APBB2: variants seen among roughly 807,000 people sequenced by gnomAD.
APBB2 encodes the protein amyloid beta precursor protein binding family B member 2.
A neutral mutation model predicts 82.5 loss-of-function variants in APBB2; 38 were observed. The observed-to-expected ratio is 0.46, with a 90% CI of 0.36 to 0.60. The LOEUF is 0.60. APBB2 is among the 20% of genes least tolerant of loss of function. The pLI is 0.00. For synonymous variants in APBB2, 341 were observed against 368.2 expected (o/e 0.93, Z 0.85); for missense variants, 772 against 972.3 (o/e 0.79, Z 2.74).
rs1342046591 is a variant in APBB2, at chr4:40,830,507, G to C, written c.1600C>G (p.Pro534Ala). ...LKCHVFRCDT[P>A]AKAIATSLHE... ...AGACTTGTGGCAATGGCTTTTGCTG[G>C]TGTGTCACATCGAAATACATGACAT... Residue 534 changes from proline (P) to alanine (A), a missense_variant, in exon 13 of 18, where the codon CCA becomes GCA. Coordinates refer to ENST00000508593, the MANE Select transcript of APBB2 (RefSeq NM_004307.2). 1.9e-6 allele frequency: 3 copies of C among 1,613,976 alleles called. No individual in the cohort carries two copies. The highest frequency in any genetic ancestry group is 1.1e-5 in the South Asian group (1 of 91,080).
intron 12 of APBB2, chr4:40,880,666 A>G (rs933022889): frequency 5.1e-6 from 5 of 985,476 alleles, no homozygotes; most frequent in Non-Finnish European, 6.0e-6. Flanking sequence ...AGAATCAAAC[A>G]TGATAGATCT....
intron 3 of APBB2, among the ~76,000 whole-genome samples, chr4:41,099,870 T>G (rs1233914420): frequency 6.6e-6 from 1 of 152,198 alleles, no homozygotes; most frequent in Non-Finnish European, 1.5e-5. Context: ...TATGTTTCTG[T>G]GCGTGCACGT....
intron 1 of APBB2, among the ~76,000 whole-genome samples, chr4:41,203,151 C>T (rs985105494): frequency 6.6e-6 from 1 of 151,672 alleles, no homozygotes; most frequent in African/African-American, 2.4e-5. Context: ...AATAAAACAC[C>T]TCACTTTATT....
At chr4:40,825,595 T>C (rs1749641501) in intron 15 of APBB2, among the ~76,000 whole-genome samples, 1 of 152,146 alleles carries the variant, frequency 6.6e-6, no homozygotes, top group Non-Finnish European at 1.5e-5. Context: ...GCAGCGGAGC[T>C]CTTCCACGGC....
chr4:40,910,410 TTC>T (rs1778238329), intron 10 of APBB2, among the ~76,000 whole-genome samples: 1 of 152,078 alleles, frequency 6.6e-6, no homozygotes, highest in Non-Finnish European at 1.5e-5. Context: ...GGCTAATTTT[TTC>T]TTTTTTTGTA....
At chr4:40,863,335 G>T (rs1763237632) in intron 12 of APBB2, among the ~76,000 whole-genome samples, 1 of 152,198 alleles carries the variant, frequency 6.6e-6, no homozygotes. Context: ...TGTTTTGGCA[G>T]GACCTTAAGG....
Position 40,944,796 on chromosome 4 carries a change from AAC to A in APBB2, c.1044+67_1044+68del, listed in dbSNP as rs1787928377. 53 of 1,509,186 alleles carry A rather than the reference AAC, an allele frequency of 3.5e-5. 1 individual carries two copies. The South Asian group carries it at 5.9e-4, about 17-fold the overall frequency. 93.5% of individuals were successfully genotyped at this position (1,509,186 alleles called of 1,614,324 possible). On this transcript the variant is annotated intron_variant, in intron 7 of 17. Transcript: ENST00000508593. Reference sequence around the variant, plus strand: ...CTTGATGACCTGTTGGGGCAGAAGCAACCAGTGTAAAGAGAAACCACAAGTTA... The same window carrying A: ...CTTGATGACCTGTTGGGGCAGAAGCACAGTGTAAAGAGAAACCACAAGTTA...
At position 40,816,071 on chromosome 4, in the gene APBB2, C is replaced by G; in HGVS notation, c.*21G>C. 1.9e-6 allele frequency: 3 copies of G among 1,604,250 alleles called. No individual in the cohort carries two copies. The highest frequency in any genetic ancestry group is 2.6e-6 in the Non-Finnish European group (3 of 1,171,828). On this transcript the variant is annotated 3_prime_UTR_variant, in exon 18 of 18. Transcript: ENST00000508593. ...GCTAGTCAATCTTCAGGTAAATAGCCGAGTCCTTTTGCATGTGCAGCTATG... is the reference window on the plus strand; with the variant it reads ...GCTAGTCAATCTTCAGGTAAATAGCGGAGTCCTTTTGCATGTGCAGCTATG...
intron 5 of APBB2, among the ~76,000 whole-genome samples, chr4:41,025,967 AAAAAG>A: frequency 6.7e-6 from 1 of 149,844 alleles, no homozygotes; most frequent in Admixed American, 6.6e-5. Flanking sequence ...AAAAAAAGAA[AAAAAG>A]GAAAATGTGG....
chr4:41,048,785 G>A (rs945968102), intron 4 of APBB2, among the ~76,000 whole-genome samples: 2 of 152,014 alleles, frequency 1.3e-5, no homozygotes, highest in African/African-American at 4.8e-5. Flanking sequence ...TGATTCTCCT[G>A]CCTCAGCCTG....
At chr4:40,902,107 T>G (rs1468432592) in intron 10 of APBB2, among the ~76,000 whole-genome samples, 1 of 152,196 alleles carries the variant, frequency 6.6e-6, no homozygotes, top group Non-Finnish European at 1.5e-5. Flanking sequence ...CAATGTTGTT[T>G]TGCTATAATG....
intron 6 of APBB2, among the ~76,000 whole-genome samples, chr4:40,993,754 CGTTTTTCAT>C (rs1802831870): frequency 6.6e-6 from 1 of 151,912 alleles, no homozygotes; most frequent in Admixed American, 6.6e-5. Flanking sequence ...ATGTTTTCCA[CGTTTTTCAT>C]TAAGGCTGTG....
chr4:41,092,585 A>T (rs1742117952), intron 3 of APBB2, among the ~76,000 whole-genome samples: 1 of 151,590 alleles, frequency 6.6e-6, no homozygotes, highest in African/African-American at 2.4e-5. Flanking sequence ...GCTACTCGGG[A>T]GGCTGAGGCA....
chr4:41,066,086 T>C (rs2153892125), intron 3 of APBB2, among the ~76,000 whole-genome samples: 1 of 108,984 alleles, frequency 9.2e-6, no homozygotes, highest in South Asian at 2.6e-4. Context: ...AAGCTTGAAA[T>C]GAGGAAATTT....
chr4:41,144,836 G>A (rs765859985), intron 1 of APBB2, among the ~76,000 whole-genome samples: 3 of 152,184 alleles, frequency 2.0e-5, no homozygotes, highest in African/African-American at 4.8e-5. Flanking sequence ...TTAAAAGAAC[G>A]GGCTGGGCAT....
intron 1 of APBB2, among the ~76,000 whole-genome samples, chr4:41,146,387 A>G (rs1011419825): frequency 3.3e-5 from 5 of 150,646 alleles, no homozygotes; most frequent in Non-Finnish European, 7.4e-5. Flanking sequence ...CCAGCTATTC[A>G]GAAGGCTGAA....
intron 2 of APBB2, among the ~76,000 whole-genome samples, chr4:41,133,610 A>T (rs1039535375): frequency 6.6e-6 from 1 of 152,116 alleles, no homozygotes; most frequent in African/African-American, 2.4e-5. Flanking sequence ...TAAGAGGCAG[A>T]CACAGCGACA....
intron 10 of APBB2, among the ~76,000 whole-genome samples, chr4:40,909,503 T>C (rs760874565): frequency 6.6e-6 from 1 of 152,168 alleles, no homozygotes; most frequent in African/African-American, 2.4e-5. Context: ...CTCCGGGTTG[T>C]GATTTAGTAC....
chr4:41,027,883 C>G (rs989982941), intron 5 of APBB2, among the ~76,000 whole-genome samples: 1 of 152,250 alleles, frequency 6.6e-6, no homozygotes, highest in African/African-American at 2.4e-5. Context: ...ATCCCCTCCA[C>G]GTCTATTCAT....
Sources: gnomAD v4.1 joint callset for allele counts (sites outside exome capture counted in the v4.1 genomes callset) on GRCh38, gnomAD v4.1.1 for gene constraint, MANE v1.5 for transcripts, NCBI Gene and HGNC (gene_info 2026-07-23, HGNC 2026-07-21) for gene names.